The following SLMAP variants were observed in gnomAD, a reference collection of about 807,000 sequenced individuals.
The protein encoded by SLMAP is sarcolemmal membrane-associated protein.
Under a neutral mutation model 128.8 loss-of-function variants are expected in SLMAP, and 44 were observed. The observed-to-expected ratio is 0.34, with a 90% confidence interval of 0.27 to 0.44. The LOEUF (loss-of-function observed/expected upper bound fraction) is 0.44, where lower values mean the gene tolerates loss of function less well. Ranked by LOEUF, SLMAP falls within the 20% of genes least tolerant of loss-of-function variation. SLMAP has a pLI of 1.00. For synonymous variants in SLMAP, 327 were observed against 348.8 expected, an observed-to-expected ratio of 0.94 and a Z score of 0.70; for missense variants, 787 against 985.3, an observed-to-expected ratio of 0.80 and a Z score of 2.69.
Position 57,883,403 on chromosome 3 carries a change from ATGT to A in SLMAP, c.1301-6626_1301-6624del, listed in dbSNP as rs201942578. Among the ~76,000 whole-genome samples the A allele has an allele frequency of 8.6e-3, 1,316 of 152,288 alleles. 15 individuals are homozygous for A. Among genetic ancestry groups the A allele is most frequent in the Non-Finnish European group, 0.014 (958 of 68,028 alleles). On this transcript the variant is annotated intron_variant, in intron 14 of 24. Transcript: ENST00000671191. ...TCAAGGTAGTTAAAGCCATTAAAAA[ATGT>A]TGTTGTTGTTGCTGACAGAGATCTT...
intron 2 of SLMAP, among the ~76,000 whole-genome samples, chr3:57,785,864 C>T (rs2083979671): frequency 6.6e-6 from 1 of 152,138 alleles, no homozygotes; most frequent in African/African-American, 2.4e-5. Context: ...TTTTGTATAA[C>T]ATTTTCACGT....
intron 5 of SLMAP, among the ~76,000 whole-genome samples, chr3:57,849,528 A>C (rs1369270582): frequency 6.6e-6 from 1 of 152,206 alleles, no homozygotes; most frequent in African/African-American, 2.4e-5. Flanking sequence ...AAGGGAAAAT[A>C]TGTGGATCTG....
chr3:57,804,898 G>C (rs1238518720), intron 2 of SLMAP, among the ~76,000 whole-genome samples: 4 of 152,126 alleles, frequency 2.6e-5, no homozygotes, highest in Admixed American at 6.5e-5. Flanking sequence ...TTGTACTCTA[G>C]ATTGACTTCA....
intron 19 of SLMAP, among the ~76,000 whole-genome samples, chr3:57,911,758 G>A (rs529875280): frequency 8.8e-4 from 134 of 152,092 alleles, no homozygotes; most frequent in Non-Finnish European, 1.6e-3. Flanking sequence ...ATAAAGCAGA[G>A]TAAAGAGCCA....
chr3:57,883,445 CAT>C (rs1396785061), intron 14 of SLMAP, among the ~76,000 whole-genome samples: 1 of 151,844 alleles, frequency 6.6e-6, no homozygotes, highest in Admixed American at 6.6e-5. Flanking sequence ...GGCTAATGCA[CAT>C]ATTTAGATTA....
chr3:57,809,129 C>T (rs758844182), intron 2 of SLMAP, among the ~76,000 whole-genome samples: 49 of 152,124 alleles, frequency 3.2e-4, no homozygotes, highest in Non-Finnish European at 6.0e-4. Flanking sequence ...CAGCTGCACA[C>T]CCAGGCCTCC....
chr3:57,769,244 G>A (rs2080329502), intron 2 of SLMAP, among the ~76,000 whole-genome samples: 1 of 151,836 alleles, frequency 6.6e-6, no homozygotes, highest in African/African-American at 2.4e-5. Context: ...CCAGGCTGGA[G>A]TGCAGTGGCG....
At chr3:57,887,429 C>A (rs542133810) in intron 14 of SLMAP, among the ~76,000 whole-genome samples, 2 of 152,192 alleles carry the variant, frequency 1.3e-5, no homozygotes, top group South Asian at 4.2e-4. Context: ...TCAGGCTGGT[C>A]TCGAACTCCT....
chr3:57,908,039 T>C, intron 18 of SLMAP, 33 bp downstream of exon 18: 1 of 1,608,644 alleles, frequency 6.2e-7, no homozygotes. Flanking sequence ...TCTTTAGGGA[T>C]GTGTGGAGGC....
chr3:57,900,446 C>A (rs1359500524), intron 17 of SLMAP: 2 of 152,080 alleles, frequency 1.3e-5, no homozygotes, highest in Non-Finnish European at 2.9e-5. Context: ...AATTGGAATT[C>A]ACTTCAAATC....
In SLMAP at chr3:57,924,904, A is replaced by C. The variant is rs189955164; in HGVS notation, c.2446-941A>C. 2.3e-3 allele frequency among the ~76,000 whole-genome samples: 350 copies of C among 151,824 alleles called. 2 individuals are homozygous for C. The highest frequency in any genetic ancestry group is 7.7e-3 in the African/African-American group (320 of 41,412). On this transcript the variant is annotated intron_variant, in intron 23 of 24. Transcript: ENST00000671191. ...GCAAAAATAGTGTACTGTCAAGCAG[A>C]GAGCATCAGCTGGTGGTGAAGTATT...
chr3:57,771,137 C>T (rs1041733432), intron 2 of SLMAP, among the ~76,000 whole-genome samples: 1 of 150,872 alleles, frequency 6.6e-6, no homozygotes, highest in Non-Finnish European at 1.5e-5. Context: ...CTGCTCCTCC[C>T]TCTGCTCTCC....
intron 2 of SLMAP, among the ~76,000 whole-genome samples, chr3:57,794,833 C>T (rs1170823451): frequency 2.0e-5 from 3 of 152,146 alleles, no homozygotes; most frequent in Non-Finnish European, 2.9e-5. Flanking sequence ...AGCTGATGGA[C>T]ATTTGAGTTT....
chr3:57,871,379 G>A (rs1482932502), intron 13 of SLMAP, among the ~76,000 whole-genome samples: 1 of 152,082 alleles, frequency 6.6e-6, no homozygotes, highest in Non-Finnish European at 1.5e-5. Context: ...CCATTTTAAA[G>A]CAATATATTT....
At chr3:57,827,146 C>T (rs1197024380) in intron 2 of SLMAP, among the ~76,000 whole-genome samples, 1 of 152,252 alleles carries the variant, frequency 6.6e-6, no homozygotes, top group East Asian at 1.9e-4. Context: ...TGGCCCCTGG[C>T]CTGTGGTGTG....
chr3:57,849,949 G>A (rs1432456809), intron 6 of SLMAP, 133 bp downstream of exon 6: 3 of 617,196 alleles, frequency 4.9e-6, no homozygotes, highest in African/African-American at 3.7e-5. Flanking sequence ...CTAGGCAGAA[G>A]GATTCTTTGA....
chr3:57,805,494 T>C (rs528193691), intron 2 of SLMAP, among the ~76,000 whole-genome samples: 381 of 152,366 alleles, frequency 2.5e-3, no homozygotes, highest in Non-Finnish European at 4.1e-3. Context: ...TACCAACTGC[T>C]GCCTTTATCA....
At chr3:57,875,829 C>A (rs544661917) in intron 14 of SLMAP, among the ~76,000 whole-genome samples, 5 of 152,298 alleles carry the variant, frequency 3.3e-5, no homozygotes, top group African/African-American at 1.2e-4. Context: ...TTATGACATG[C>A]TGCCATTGTA....
chr3:57,779,441 T>C (rs1490050029), intron 2 of SLMAP, among the ~76,000 whole-genome samples: 2 of 147,670 alleles, frequency 1.4e-5, no homozygotes, highest in African/African-American at 5.0e-5. Flanking sequence ...CCCAGGAAGT[T>C]GAGGCTGCAG....
Sources: gnomAD v4.1 joint callset for allele counts (sites outside exome capture counted in the v4.1 genomes callset) on GRCh38, gnomAD v4.1.1 for gene constraint, MANE v1.5 for transcripts, NCBI Gene and HGNC (gene_info 2026-07-23, HGNC 2026-07-21) for gene names.